TMEM132B: variants seen among roughly 807,000 people sequenced by gnomAD.
The protein encoded by TMEM132B is transmembrane protein 132B.
A neutral mutation model predicts 90.8 loss-of-function variants in TMEM132B; 18 were observed. The ratio of observed to expected loss-of-function variants is 0.20; its 90% CI spans 0.14 to 0.29. The LOEUF (loss-of-function observed/expected upper bound fraction) is 0.29, where lower values mean the gene tolerates loss of function less well. Among genes scored for constraint, TMEM132B ranks in the 10% least tolerant of loss-of-function variants. The pLI is 1.00. For synonymous variants in TMEM132B, 504 were observed against 523.3 expected, an observed-to-expected ratio of 0.96 and a Z score of 0.50; for missense variants, 1,096 against 1,326.8, an observed-to-expected ratio of 0.83 and a Z score of 2.70.
intron 5 of TMEM132B, among the ~76,000 whole-genome samples, chr12:125,618,029 G>T (rs1276236613): frequency 6.6e-6 from 1 of 151,842 alleles, no homozygotes; most frequent in African/African-American, 2.4e-5. Context: ...GGTCCATAAA[G>T]ACTGAGTTCC....
intron 3 of TMEM132B, among the ~76,000 whole-genome samples, chr12:125,433,948 G>C (rs1303145801): frequency 1.3e-5 from 2 of 151,972 alleles, no homozygotes; most frequent in African/African-American, 4.8e-5. Context: ...GATATTTGTG[G>C]GTGTATTAGT....
intron 3 of TMEM132B, among the ~76,000 whole-genome samples, chr12:125,455,191 G>T (rs1881260211): frequency 2.6e-5 from 4 of 152,136 alleles, no homozygotes; most frequent in African/African-American, 9.6e-5. Flanking sequence ...GGAAATGAAA[G>T]GTGGAAGGAG....
intron 1 of TMEM132B, among the ~76,000 whole-genome samples, chr12:125,328,075 G>A (rs1368132495): frequency 1.3e-5 from 2 of 152,206 alleles, no homozygotes; most frequent in Non-Finnish European, 2.9e-5. Context: ...TCATTTCCCT[G>A]TCTTGGCCTT....
intron 5 of TMEM132B, among the ~76,000 whole-genome samples, chr12:125,614,362 A>C (rs1191039228): frequency 6.6e-6 from 1 of 152,144 alleles, no homozygotes; most frequent in Non-Finnish European, 1.5e-5. Flanking sequence ...GAGAACATGC[A>C]GTGTTTACTT....
In TMEM132B at chr12:125,644,279, A is replaced by G. The variant is rs749642964; in HGVS notation, c.1641A>G (p.Arg547=). The change falls in exon 6 of 9, where the codon AGA becomes AGG. Residue 547 remains arginine (R), a splice_region_variant and synonymous_variant. Transcript: ENST00000682704. ...GGAGGATCCCGGTTGCTGCCAACAG[A>G]AGGTGAGGAATCAAAGAGAAGGCTG... ...KGWRIPVAAN[R]RPTRESDDED... The G allele has an allele frequency of 6.2e-7, 1 of 1,614,068 alleles. No individual in the cohort carries two copies. Among genetic ancestry groups the G allele is most frequent in the Non-Finnish European group, 8.5e-7 (1 of 1,180,008 alleles).
rs552740787 is a variant in TMEM132B, at chr12:125,250,677, G to T, written c.67+63811G>T. Among the ~76,000 whole-genome samples the T allele has an allele frequency of 2.0e-5, 3 of 152,110 alleles. No homozygotes were observed. In the East Asian group the frequency reaches 5.8e-4, roughly 30 times the overall value. The stretch of plus-strand genomic sequence containing the variant: ...CCCTTTGCTTTCCTTGGCTCTCTCT[G>T]GGTTCCCCCTTCCCTGAAGCAGTGA... On this transcript the variant is annotated intron_variant, in intron 1 of 8. Coordinates refer to ENST00000682704, the MANE Select transcript of TMEM132B (RefSeq NM_001366854.1).
At chr12:125,200,719 T>G (rs1439029500) in intron 1 of TMEM132B, among the ~76,000 whole-genome samples, 1 of 152,170 alleles carries the variant, frequency 6.6e-6, no homozygotes, top group African/African-American at 2.4e-5. Flanking sequence ...GGAGATTGAG[T>G]TAACAGAGAA....
chr12:125,577,729 A>G (rs1884971274), intron 4 of TMEM132B, among the ~76,000 whole-genome samples: 1 of 151,924 alleles, frequency 6.6e-6, no homozygotes, highest in Non-Finnish European at 1.5e-5. Context: ...TTTCCCATAT[A>G]GGCATTTACT....
rs142996079 is a variant in TMEM132B, at chr12:125,305,444, G to C, written c.68-44008G>C. 4.9e-3 allele frequency among the ~76,000 whole-genome samples: 740 copies of C among 152,144 alleles called. 6 individuals are homozygous for C. The highest frequency in any genetic ancestry group is 0.016 in the African/African-American group (648 of 41,488). ...CCACATGTCCAAAGCCCAGGGTAGG[G>C]GGGGGAAGGCTGTCTGTTAAAAGTT... On this transcript the variant is annotated intron_variant, in intron 1 of 8. Coordinates refer to ENST00000682704, the MANE Select transcript of TMEM132B (RefSeq NM_001366854.1).
chr12:125,487,760 GT>G (rs1260953287), intron 3 of TMEM132B, among the ~76,000 whole-genome samples: 3 of 152,152 alleles, frequency 2.0e-5, no homozygotes, highest in African/African-American at 7.2e-5. Flanking sequence ...TGTCAAACAT[GT>G]TTTTGCCATT....
At chr12:125,297,052 T>C (rs551780928) in intron 1 of TMEM132B, among the ~76,000 whole-genome samples, 1 of 152,308 alleles carries the variant, frequency 6.6e-6, no homozygotes, top group South Asian at 2.1e-4. Context: ...GTCTTGGTCT[T>C]GCTGGCTCTC....
intron 2 of TMEM132B, among the ~76,000 whole-genome samples, chr12:125,378,862 T>C (rs924418379): frequency 6.6e-6 from 1 of 152,206 alleles, no homozygotes; most frequent in African/African-American, 2.4e-5. Context: ...GAATCTTTAA[T>C]GTCTCTGAGC....
chr12:125,239,407 G>A (rs11610469), intron 1 of TMEM132B, among the ~76,000 whole-genome samples: 44,246 of 152,080 alleles, frequency 0.29, 6,849 homozygotes, highest in Middle Eastern at 0.37. Flanking sequence ...TTCCCATTTG[G>A]TTTCTATAAA....
chr12:125,315,344 GC>G (rs1876237402), intron 1 of TMEM132B, among the ~76,000 whole-genome samples: 1 of 152,094 alleles, frequency 6.6e-6, no homozygotes, highest in South Asian at 2.1e-4. Flanking sequence ...GATTACAGGC[GC>G]CCACCACCAC....
At chr12:125,355,165 A>G (rs1038802378) in intron 2 of TMEM132B, among the ~76,000 whole-genome samples, 1 of 152,120 alleles carries the variant, frequency 6.6e-6, no homozygotes, top group African/African-American at 2.4e-5. Context: ...TTTGATGGCC[A>G]GAGAAAAATG....
At chr12:125,383,401 T>C (rs1395957044) in intron 2 of TMEM132B, among the ~76,000 whole-genome samples, 1 of 152,220 alleles carries the variant, frequency 6.6e-6, no homozygotes, top group Non-Finnish European at 1.5e-5. Flanking sequence ...TATCACTCAC[T>C]AAGGTGGAAA....
chr12:125,280,006 C>G (rs995433403), intron 1 of TMEM132B, among the ~76,000 whole-genome samples: 5 of 152,192 alleles, frequency 3.3e-5, no homozygotes, highest in Non-Finnish European at 4.4e-5. Context: ...TTACTTTTAT[C>G]CCTCAGTTTA....
chr12:125,275,141 C>T lies in TMEM132B; in HGVS notation c.68-74311C>T, dbSNP rs542058240. On this transcript the variant is annotated intron_variant, in intron 1 of 8. Coordinates refer to ENST00000682704, the MANE Select transcript of TMEM132B (RefSeq NM_001366854.1). ...CGTCCCAAACCCAGCTAACCCGGAA[C>T]GTGGGCTGGACTTTTCTCTCCTTCC... Among the ~76,000 whole-genome samples, 34 of 152,310 alleles carry T rather than the reference C, an allele frequency of 2.2e-4. 1 individual carries two copies. The South Asian group carries it at 6.8e-3, about 31-fold the overall frequency.
intron 5 of TMEM132B, among the ~76,000 whole-genome samples, chr12:125,589,341 G>A (rs371628656): frequency 1.3e-5 from 2 of 151,980 alleles, no homozygotes. Context: ...AATTAGCCGG[G>A]CGTAGTGGCG....
Sources: allele counts gnomAD v4.1 joint callset (sites outside exome capture counted in the v4.1 genomes callset), GRCh38; gene constraint gnomAD v4.1.1; transcripts MANE v1.5; gene names NCBI Gene and HGNC (gene_info 2026-07-23, HGNC 2026-07-21).